The following CHD4 variants were observed in gnomAD, a reference collection of about 807,000 sequenced individuals.
CHD4 encodes the protein ATP-dependent chromatin remodeler CHD4.
Under a neutral mutation model 235.5 loss-of-function variants are expected in CHD4, and 35 were observed. The observed-to-expected ratio is 0.15, with a 90% CI of 0.11 to 0.20. The LOEUF (loss-of-function observed/expected upper bound fraction) is 0.20, where lower values mean the gene tolerates loss of function less well. Among genes scored for constraint, CHD4 ranks in the 10% least tolerant of loss-of-function variants. CHD4 has a pLI of 1.00. For missense variants in CHD4, 1,329 were observed against 2,432.3 expected, an observed-to-expected ratio of 0.55 and a Z score of 9.54; for synonymous variants, 900 against 850.2, an observed-to-expected ratio of 1.06 and a Z score of -1.02.
rs538189327 is a variant in CHD4, at chr12:6,592,988, ATTTTCCCCTCTCCTCTCCATCTACAAG to A, written c.2652+76_2652+102del. The A allele has an allele frequency of 9.3e-4, 1,432 of 1,544,738 alleles. 13 individuals are homozygous for A. In the African/African-American group the frequency reaches 0.016, roughly 18 times the overall value. ...CATACAAGGAAGGAAGGCAGAGACA[ATTTTCCCCTCTCCTCTCCATCTACAAG>A]TTTTCCCCTTAATGAATTGGTAGTA... On this transcript the variant is annotated intron_variant, in intron 17 of 39. Transcript: ENST00000544040.
rs771894555 is a variant in CHD4 at position 6,593,183 on chromosome 12, A to G, written c.2560T>C (p.Leu854=). ...AAAATAGCCATGTCAATGGTGATCAATTCATAGGATGTCAGCAGCACATGG... is the reference window on the plus strand; with the variant it reads ...AAAATAGCCATGTCAATGGTGATCAGTTCATAGGATGTCAGCAGCACATGG... ...KFHVLLTSYE[L]ITIDMAILGS... The change falls in exon 17 of 40, where the codon TTG becomes CTG. Residue 854 remains leucine (L), a synonymous_variant. Transcript: ENST00000544040. The surrounding 1 kb of genome is among the most constrained non-coding windows in gnomAD (Gnocchi z 4.9). 1.2e-6 allele frequency: 2 copies of G among 1,614,046 alleles called. No homozygotes were observed. Among genetic ancestry groups the G allele is most frequent in the African/African-American group, 2.7e-5 (2 of 74,928 alleles).
At chr12:6,573,476 C>G (rs1023861854) in intron 37 of CHD4, 1 of 373,552 alleles carries the variant, frequency 2.7e-6, no homozygotes, top group Non-Finnish European at 4.7e-6. Context: ...ATTTTTAAAA[C>G]TCTTTACCCT....
intron 33 of CHD4, 83 bp downstream of exon 33, chr12:6,580,961 C>G (rs1300322309): frequency 2.7e-6 from 4 of 1,502,708 alleles, no homozygotes; most frequent in Non-Finnish European, 3.6e-6. Context: ...AAGCCAAGAT[C>G]GCGCCACAGC....
chr12:6,584,935 CTA>C, intron 25 of CHD4, among the ~76,000 whole-genome samples: 1 of 152,292 alleles, frequency 6.6e-6, no homozygotes, highest in East Asian at 1.9e-4. Flanking sequence ...GTACACAGAC[CTA>C]TGTCAGACCA....
intron 35 of CHD4, 43 bp downstream of exon 35, chr12:6,578,366 A>T (rs752672722): frequency 6.3e-7 from 1 of 1,594,908 alleles, no homozygotes; most frequent in South Asian, 1.1e-5. Context: ...CCCCAATTTC[A>T]CATCAGATCC....
At chr12:6,601,812 A>C in intron 4 of CHD4, 46 bp from the exon 5 acceptor site, 1 of 1,580,588 alleles carries the variant, frequency 6.3e-7, no homozygotes, top group Non-Finnish European at 8.7e-7. Flanking sequence ...CCTAGTGCCC[A>C]CACTTGCTAA....
chr12:6,588,101 C>A, intron 23 of CHD4, 152 bp from the exon 24 acceptor site: 2 of 1,108,092 alleles, frequency 1.8e-6, no homozygotes, highest in Non-Finnish European at 2.6e-6. Flanking sequence ...CTCCAGACAC[C>A]ACCCTCTATT....
chr12:6,592,262 G>A, intron 19 of CHD4, 131 bp downstream of exon 19: 1 of 1,309,208 alleles, frequency 7.6e-7, no homozygotes, highest in East Asian at 2.4e-5. Context: ...CAGCGCCCTA[G>A]CATCAGGTTT....
intron 7 of CHD4, 112 bp downstream of exon 7, chr12:6,600,814 G>C: frequency 6.6e-7 from 1 of 1,509,376 alleles, no homozygotes; most frequent in African/African-American, 1.4e-5. Context: ...TTGTTCTGTG[G>C]GAAACGCCCC....
In CHD4 at chr12:6,593,673, C is replaced by T. The variant is rs1016328163; in HGVS notation, c.2314-57G>A. ...GGGCCCCAGCACACTGCAACCCCAGCGAACACCCACCACCCTGCTGCCCCC... is the reference window on the plus strand; with the variant it reads ...GGGCCCCAGCACACTGCAACCCCAGTGAACACCCACCACCCTGCTGCCCCC... On this transcript the variant is annotated intron_variant, in intron 15 of 39. Coordinates refer to ENST00000544040, the MANE Select transcript of CHD4 (RefSeq NM_001273.5). The surrounding 1 kb of genome is among the most constrained non-coding windows in gnomAD (Gnocchi z 4.9). 6.0e-6 allele frequency: 9 copies of T among 1,498,846 alleles called. No individual in the cohort carries two copies. The highest frequency in any genetic ancestry group is 2.3e-5 in the East Asian group (1 of 44,182). 92.8% of individuals were successfully genotyped at this position (1,498,846 alleles called of 1,614,324 possible).
rs192359317 is a variant in CHD4, at chr12:6,604,026, G to A, written c.101-1529C>T. 7.2e-5 allele frequency among the ~76,000 whole-genome samples: 11 copies of A among 152,224 alleles called. No individual in the cohort carries two copies. The East Asian group carries it at 1.2e-3, about 16-fold the overall frequency. ...GGTGCAATGGCTCATGCCTGTAATC[G>A]CAGCACTCTGGGAGGCTGAGGCGGG... On this transcript the variant is annotated intron_variant, in intron 2 of 39. Transcript: ENST00000544040.
chr12:6,596,247 C>T, intron 12 of CHD4, 110 bp from the exon 13 acceptor site: 1 of 1,368,966 alleles, frequency 7.3e-7, no homozygotes, highest in Non-Finnish European at 1.0e-6. Flanking sequence ...AGGTATGCCA[C>T]AGATCACACG....
At position 6,593,021 on chromosome 12, in the gene CHD4, C is replaced by A. The variant is rs993771570; in HGVS notation, c.2652+70G>T. The A allele has an allele frequency of 1.1e-5, 18 of 1,586,876 alleles. No individual in the cohort carries two copies. The African/African-American group carries it at 1.8e-4, about 16-fold the overall frequency. ...CTCTCCTCTCCATCTACAAGTTTTCCCCTTAATGAATTGGTAGTACTAGAA... is the reference window on the plus strand; with the variant it reads ...CTCTCCTCTCCATCTACAAGTTTTCACCTTAATGAATTGGTAGTACTAGAA... On this transcript the variant is annotated intron_variant, in intron 17 of 39. Transcript: ENST00000544040. This position sits in a 1 kb window ranked among gnomAD's most constrained non-coding sequence, Gnocchi z 4.9.
rs1193495550 is a variant in CHD4 at position 6,570,123 on chromosome 12, AT to A, written c.*552del. 6.6e-6 allele frequency: 1 copy of A among 151,722 alleles called. No homozygotes were observed. Among genetic ancestry groups the A allele is most frequent in the African/African-American group, 2.4e-5 (1 of 41,104 alleles). The allele number at this position is 151,722 out of a possible 1,614,324, so 9.4% of individuals were successfully genotyped here. A position where few individuals can be genotyped will look rare whatever the true frequency, so the allele number is the denominator to read the frequency against. On this transcript the variant is annotated 3_prime_UTR_variant, in exon 40 of 40. Coordinates refer to ENST00000544040, the MANE Select transcript of CHD4 (RefSeq NM_001273.5). ...TTTTATTTTCAATTTTCATCAAGAAATTTGCTGTGGTTTTTTATGCTTTTGG... is the reference window on the plus strand; with the variant it reads ...TTTTATTTTCAATTTTCATCAAGAAATTGCTGTGGTTTTTTATGCTTTTGG...
rs773073170 is a variant in CHD4 at position 6,606,261 on chromosome 12, G to T, written c.100+13C>A. ...GTCTCCTTCCCGCCATGGGCCCTTG[G>T]GGAAGATGTTACCTGGGTGGGGTGG... is the stretch of plus-strand genomic sequence containing the variant. On this transcript the variant is annotated intron_variant, in intron 2 of 39. Coordinates refer to ENST00000544040, the MANE Select transcript of CHD4 (RefSeq NM_001273.5). 4 of 1,544,300 alleles carry T rather than the reference G, an allele frequency of 2.6e-6. No individual in the cohort carries two copies. Among genetic ancestry groups the T allele is most frequent in the Non-Finnish European group, 3.5e-6 (4 of 1,130,608 alleles).
chr12:6,580,723 A>AC, intron 33 of CHD4: 1 of 256,088 alleles, frequency 3.9e-6, no homozygotes, highest in Non-Finnish European at 7.2e-6. Context: ...AAAAAAAAAA[A>AC]AAAAGCCAGG....
chr12:6,589,120 C>T (rs1235649791), intron 22 of CHD4, among the ~76,000 whole-genome samples: 2 of 152,108 alleles, frequency 1.3e-5, no homozygotes, highest in Admixed American at 6.6e-5. Flanking sequence ...TGGCAGGCAC[C>T]TGTAATCCCA....
chr12:6,606,437 C>A lies in CHD4; in HGVS notation c.-64G>T, dbSNP rs1438814163. ...CCTGCCGGCGGCCTGAGGACCTCTA[C>A]ACTGGCCCGAGTCACTGTGCGGGGG... On this transcript the variant is annotated 5_prime_UTR_variant, in exon 2 of 40. Coordinates refer to ENST00000544040, the MANE Select transcript of CHD4 (RefSeq NM_001273.5). 2.9e-6 allele frequency: 3 copies of A among 1,019,512 alleles called. No homozygotes were observed. The highest frequency in any genetic ancestry group is 4.3e-6 in the Non-Finnish European group (3 of 690,160). The allele number at this position is 1,019,512 out of a possible 1,614,324, so 63.2% of individuals were successfully genotyped here. A position where few individuals can be genotyped will look rare whatever the true frequency, so the allele number is the denominator to read the frequency against.
intron 14 of CHD4, among the ~76,000 whole-genome samples, 168 bp downstream of exon 14, chr12:6,595,166 G>A (rs1028848949): frequency 2.6e-5 from 4 of 151,506 alleles, no homozygotes; most frequent in African/African-American, 9.7e-5. Context: ...TAATCCTAGT[G>A]CTTTCTGATA....
Sources: gnomAD v4.1 joint callset for allele counts (sites outside exome capture counted in the v4.1 genomes callset) on GRCh38, gnomAD v4.1.1 for gene constraint, Gnocchi (gnomAD v3.1) non-coding constraint, MANE v1.5 for transcripts, NCBI Gene and HGNC (gene_info 2026-07-23, HGNC 2026-07-21) for gene names.